NANOGNB: variants seen among roughly 807,000 people sequenced by gnomAD.
The protein encoded by NANOGNB is NANOG neighbor homeobox, also known as homeobox C14.
A neutral mutation model predicts 25.0 loss-of-function variants in NANOGNB; 30 were observed. That is an observed-to-expected ratio of 1.20 (90% CI 0.90 to 1.63). The LOEUF (loss-of-function observed/expected upper bound fraction) is 1.63, where lower values mean the gene tolerates loss of function less well. NANOGNB is among the 40% of genes most tolerant of loss of function. The pLI is 0.00. For missense variants in NANOGNB, 200 were observed against 188.1 expected, an observed-to-expected ratio of 1.06 and a Z score of -0.37; for synonymous variants, 84 against 62.1, an observed-to-expected ratio of 1.35 and a Z score of -1.66.
chr12:7,770,247 T>A lies in NANOGNB; in HGVS notation c.367T>A (p.Leu123Ile), dbSNP rs1865280471. The A allele has an allele frequency of 6.5e-7, 1 of 1,550,066 alleles. No homozygotes were observed. Residue 123 changes from leucine to isoleucine, a missense_variant, in exon 2 of 4, where the codon TTA becomes ATA. By Grantham distance (5) the Leu-to-Ile change is conservative. Coordinates refer to ENST00000382119, the MANE Select transcript of NANOGNB (RefSeq NM_001145465.1). ...GCATACTCTCTGGGCAAAGTTTAAGTTAAACAGGTGCCCCACTATACAAGA... is the reference window on the plus strand; with the variant it reads ...GCATACTCTCTGGGCAAAGTTTAAGATAAACAGGTGCCCCACTATACAAGA... ...LMHTLWAKFKLNRCPTIQESL... is the reference protein window; with the variant it reads ...LMHTLWAKFKINRCPTIQESL...
In NANOGNB at chr12:7,773,843, C is replaced by T. The variant is rs1160291210; in HGVS notation, c.559C>T (p.Leu187Phe). ...CCQGWSRTPA[L>F]K The stretch of plus-strand genomic sequence containing the variant: ...CCAAGGCTGGTCTCGAACTCCTGCC[C>T]TCAAGTGATCTTCCTATTTTGGCCT... Residue 187 changes from leucine to phenylalanine, a missense_variant, in exon 4 of 4, where the codon CTC becomes TTC. Coordinates refer to ENST00000382119, the MANE Select transcript of NANOGNB (RefSeq NM_001145465.1). 1.6e-6 allele frequency: 1 copy of T among 642,972 alleles called. No homozygotes were observed. The highest frequency in any genetic ancestry group is 1.9e-5 in the African/African-American group (1 of 52,056). 39.8% of individuals were successfully genotyped at this position (642,972 alleles called of 1,614,324 possible).
In NANOGNB at chr12:7,770,081, A is replaced by G; in HGVS notation, c.201A>G (p.Gly67=). The G allele has an allele frequency of 6.5e-7, 1 of 1,541,980 alleles. No homozygotes were observed. Residue 67 remains glycine, a synonymous_variant, in exon 2 of 4, where the codon GGA becomes GGG. Coordinates refer to ENST00000382119, the MANE Select transcript of NANOGNB (RefSeq NM_001145465.1). ...QNGKQKWREE[G]EAGRKREREK... ...GAAAGCAGAAATGGAGAGAAGAAGG[A>G]GAAGCAGGCAGAAAGAGAGAACGAG...
In NANOGNB at chr12:7,770,300, C is replaced by T. The variant is rs747102390; in HGVS notation, c.420C>T (p.Asp140=). Residue 140 remains aspartate (D), a synonymous_variant, in exon 2 of 4, where the codon GAC becomes GAT. Transcript: ENST00000382119. ...GTCTATCACTGTCATTTGAATTTGA[C>T]ATGACACATAAACAGGTATGACAAC... ...QESLSLSFEF[D]MTHKQISQWF... is the part of the protein sequence containing the mutation. 2.3e-5 allele frequency: 35 copies of T among 1,530,810 alleles called. No homozygotes were observed. The highest frequency in any genetic ancestry group is 3.0e-5 in the Non-Finnish European group (34 of 1,140,432). 94.8% of individuals were successfully genotyped at this position (1,530,810 alleles called of 1,614,324 possible). A position where few individuals can be genotyped will look rare whatever the true frequency, so the allele number is the denominator to read the frequency against.
At chr12:7,771,966 C>T (rs1248443081) in intron 3 of NANOGNB, among the ~76,000 whole-genome samples, 2 of 152,080 alleles carry the variant, frequency 1.3e-5, no homozygotes, top group Non-Finnish European at 2.9e-5. Context: ...TTATCAATCC[C>T]AGGAGAGCAG....
intron 1 of NANOGNB, among the ~76,000 whole-genome samples, chr12:7,765,657 C>G (rs747520120): frequency 1.4e-4 from 21 of 149,966 alleles, no homozygotes; most frequent in African/African-American, 5.1e-4. Context: ...TTGAGTTGAG[C>G]TATGAGAAAG....
At chr12:7,767,579 G>A (rs1865256423) in intron 1 of NANOGNB, among the ~76,000 whole-genome samples, 2 of 151,916 alleles carry the variant, frequency 1.3e-5, no homozygotes, top group African/African-American at 2.4e-5. Context: ...TTTTTTAAAA[G>A]AAAATGTATA....
intron 1 of NANOGNB, chr12:7,766,092 T>C: frequency 2.5e-6 from 1 of 398,570 alleles, no homozygotes; most frequent in Non-Finnish European, 4.4e-6. Flanking sequence ...CAGGAAAGGA[T>C]GGTGTTCAGG....
chr12:7,773,661 G>A (rs1862609541), intron 3 of NANOGNB, 139 bp from the exon 4 acceptor site: 1 of 378,042 alleles, frequency 2.6e-6, no homozygotes, highest in South Asian at 7.0e-5. Context: ...GGAGATGGAG[G>A]TTGCAGTCAG....
At chr12:7,766,434 C>A (rs769362539) in intron 1 of NANOGNB, among the ~76,000 whole-genome samples, 1 of 152,310 alleles carries the variant, frequency 6.6e-6, no homozygotes, top group Admixed American at 6.5e-5. Flanking sequence ...GATCCAGCCA[C>A]TGCACTCCAG....
At chr12:7,767,043 G>A (rs1452455916) in intron 1 of NANOGNB, among the ~76,000 whole-genome samples, 1 of 152,190 alleles carries the variant, frequency 6.6e-6, no homozygotes, top group Non-Finnish European at 1.5e-5. Context: ...GTTTCACCAT[G>A]TTGGCCAAGC....
intron 1 of NANOGNB, among the ~76,000 whole-genome samples, 182 bp downstream of exon 1, chr12:7,765,569 C>CAAAAAAAAAAAAAAAAAAAAAAA (rs1187331161): frequency 9.7e-4 from 47 of 48,612 alleles, no homozygotes; most frequent in Non-Finnish European, 1.4e-3. Context: ...GACTCCGTCT[C>CAAAAAAAAAAAAAAAAAAAAAAA]AAAAAAAAAA....
At position 7,773,924 on chromosome 12, in the gene NANOGNB, T is replaced by C. The variant is rs930266006; in HGVS notation, c.*73T>C. 1.7e-6 allele frequency: 1 copy of C among 580,868 alleles called. No individual in the cohort carries two copies. Among genetic ancestry groups the C allele is most frequent in the South Asian group, 2.1e-5 (1 of 47,490 alleles). The allele number at this position is 580,868 out of a possible 1,614,324, so 36.0% of individuals were successfully genotyped here. ...ATCGCACTGGCTAAGACATTTTACATGACACCATTCTCACCAATAAATGGA... is the reference window on the plus strand; with the variant it reads ...ATCGCACTGGCTAAGACATTTTACACGACACCATTCTCACCAATAAATGGA... On this transcript the variant is annotated 3_prime_UTR_variant, in exon 4 of 4. Coordinates refer to ENST00000382119, the MANE Select transcript of NANOGNB (RefSeq NM_001145465.1).
intron 3 of NANOGNB, among the ~76,000 whole-genome samples, chr12:7,770,832 G>C (rs1273073836): frequency 1.3e-5 from 2 of 152,080 alleles, no homozygotes; most frequent in Non-Finnish European, 2.9e-5. Flanking sequence ...GGCTGATCTC[G>C]AACTCCCAAC....
chr12:7,773,226 G>A (rs1862601704), intron 3 of NANOGNB, among the ~76,000 whole-genome samples: 1 of 150,948 alleles, frequency 6.6e-6, no homozygotes, highest in Non-Finnish European at 1.5e-5. Flanking sequence ...CGAGTAGCTG[G>A]GATTGCAGGT....
intron 3 of NANOGNB, among the ~76,000 whole-genome samples, chr12:7,772,307 T>C (rs1446101352): frequency 1.3e-5 from 2 of 152,030 alleles, no homozygotes; most frequent in Non-Finnish European, 2.9e-5. Flanking sequence ...CGAGACAGTC[T>C]CACTCTGTCG....
In NANOGNB at chr12:7,770,594, T is replaced by A. The variant is rs1865284340; in HGVS notation, c.515+76T>A. 4 of 950,998 alleles carry A rather than the reference T, an allele frequency of 4.2e-6. No homozygotes were observed. In the South Asian group the frequency reaches 6.7e-5, roughly 16 times the overall value. 58.9% of individuals were successfully genotyped at this position (950,998 alleles called of 1,614,324 possible). A position where few individuals can be genotyped will look rare whatever the true frequency, so the allele number is the denominator to read the frequency against. On this transcript the variant is annotated intron_variant, in intron 3 of 3. Coordinates refer to ENST00000382119, the MANE Select transcript of NANOGNB (RefSeq NM_001145465.1). The stretch of plus-strand genomic sequence containing the variant: ...CTTCCGGAGTTGGTTTGTGTTTCCA[T>A]CATTATTGGGTATGCCCATAAACTT...
rs187980625 is a variant in NANOGNB, at chr12:7,766,985, C to T, written c.102+1598C>T. The stretch of plus-strand genomic sequence containing the variant: ...CTTCTCAAGTAGCTGGGACTACAGG[C>T]GTGCGCCACCAAGCCTAGCTAATTT... On this transcript the variant is annotated intron_variant, in intron 1 of 3. Transcript: ENST00000382119. Among the ~76,000 whole-genome samples, 223 of 151,830 alleles carry T rather than the reference C, an allele frequency of 1.5e-3. 1 individual carries two copies. The highest frequency in any genetic ancestry group is 4.9e-3 in the African/African-American group (201 of 41,382).
At chr12:7,772,139 G>A (rs1862573770) in intron 3 of NANOGNB, among the ~76,000 whole-genome samples, 1 of 152,214 alleles carries the variant, frequency 6.6e-6, no homozygotes, top group Non-Finnish European at 1.5e-5. Context: ...AGCCATGGGT[G>A]GAGCAATGCT....
chr12:7,769,665 C>A (rs1416114617), intron 1 of NANOGNB, among the ~76,000 whole-genome samples: 3 of 151,766 alleles, frequency 2.0e-5, no homozygotes, highest in Non-Finnish European at 4.4e-5. Flanking sequence ...TAGCATGGGG[C>A]TACGGGCACG....
Sources: allele counts gnomAD v4.1 joint callset (sites outside exome capture counted in the v4.1 genomes callset), GRCh38; gene constraint gnomAD v4.1.1; transcripts MANE v1.5; gene names NCBI Gene and HGNC (gene_info 2026-07-23, HGNC 2026-07-21).